Variants in GNAI1 observed in about 807,000 individuals in gnomAD.
GNAI1 encodes G protein subunit alpha i1, also known as guanine nucleotide-binding protein G(i) subunit alpha-1.
In GNAI1, 11 loss-of-function variants were observed where a neutral mutation model predicts 38.9. The observed-to-expected ratio is 0.28, with a 90% CI of 0.18 to 0.47. The LOEUF (loss-of-function observed/expected upper bound fraction) is 0.47, where lower values mean the gene tolerates loss of function less well. GNAI1 is among the 20% of genes least tolerant of loss of function. GNAI1 has a pLI of 0.99. For synonymous variants in GNAI1, 166 were observed against 145.1 expected (o/e 1.14, Z -1.04); for missense variants, 317 against 436.9 (o/e 0.73, Z 2.45).
chr7:80,205,892 T>G (rs565441214), intron 5 of GNAI1, among the ~76,000 whole-genome samples: 1 of 152,134 alleles, frequency 6.6e-6, no homozygotes, highest in South Asian at 2.1e-4. Context: ...AAATAAATCT[T>G]TACTGTGAAT....
intron 1 of GNAI1, among the ~76,000 whole-genome samples, chr7:80,171,685 T>A (rs17153532): frequency 1.4e-3 from 208 of 152,346 alleles, no homozygotes; most frequent in African/African-American, 4.7e-3. Flanking sequence ...TTAGATTATA[T>A]CTTTTCCGGA....
chr7:80,154,345 A>T (rs1409631420), intron 1 of GNAI1, among the ~76,000 whole-genome samples: 19 of 152,148 alleles, frequency 1.2e-4, no homozygotes. Context: ...TGTATTTTTA[A>T]GCTTCTGTGT....
chr7:80,199,834 A>G (rs1040874541), intron 4 of GNAI1, among the ~76,000 whole-genome samples: 7 of 152,182 alleles, frequency 4.6e-5, no homozygotes, highest in Admixed American at 2.0e-4. Context: ...GAAGGAGTGC[A>G]AGATGACTCC....
chr7:80,209,265 A>AGG (rs1788832062), intron 5 of GNAI1, among the ~76,000 whole-genome samples: 1 of 152,174 alleles, frequency 6.6e-6, no homozygotes, highest in Non-Finnish European at 1.5e-5. Context: ...CAGATCCAGT[A>AGG]GGTTATGTTT....
chr7:80,164,373 T>G (rs1787978559), intron 1 of GNAI1, among the ~76,000 whole-genome samples: 1 of 151,220 alleles, frequency 6.6e-6, no homozygotes, highest in Non-Finnish European at 1.5e-5. Context: ...CTTTTTTTCT[T>G]TTTTTTTGAG....
chr7:80,217,505 C>T lies in GNAI1; in HGVS notation c.*12C>T. On this transcript the variant is annotated 3_prime_UTR_variant, in exon 8 of 8. Coordinates refer to ENST00000649796, the MANE Select transcript of GNAI1 (RefSeq NM_002069.6). ...GTGGTCTCTTTTAAGTTTTGCAGTT[C>T]ATGGTAAAATGCATTTTCAAACCAA... 6.5e-7 allele frequency: 1 copy of T among 1,538,180 alleles called. No individual in the cohort carries two copies. Among genetic ancestry groups the T allele is most frequent in the South Asian group, 1.2e-5 (1 of 82,636 alleles).
chr7:80,176,673 C>A (rs1013138768), intron 1 of GNAI1, among the ~76,000 whole-genome samples: 1 of 152,032 alleles, frequency 6.6e-6, no homozygotes, highest in Admixed American at 6.5e-5. Flanking sequence ...TGGTGGCTCA[C>A]GCCTGTAATG....
At chr7:80,184,685 C>G (rs748857498) in intron 1 of GNAI1, among the ~76,000 whole-genome samples, 1 of 152,126 alleles carries the variant, frequency 6.6e-6, no homozygotes, top group Non-Finnish European at 1.5e-5. Flanking sequence ...TGACCAATTA[C>G]TATTTTAGAG....
intron 7 of GNAI1, among the ~76,000 whole-genome samples, chr7:80,214,974 G>A (rs1788936090): frequency 6.6e-6 from 1 of 152,210 alleles, no homozygotes; most frequent in African/African-American, 2.4e-5. Flanking sequence ...TGTTTGGTTG[G>A]TTGGGTTGGT....
chr7:80,135,569 T>C, intron 1 of GNAI1: 1 of 336,182 alleles, frequency 3.0e-6, no homozygotes, highest in Non-Finnish European at 5.3e-6. Flanking sequence ...AGGCGGCGGG[T>C]CGCGTGGAAA....
chr7:80,156,885 C>G (rs1424403913), intron 1 of GNAI1, among the ~76,000 whole-genome samples: 1 of 152,144 alleles, frequency 6.6e-6, no homozygotes, highest in African/African-American at 2.4e-5. Context: ...CCCACACATG[C>G]ATAGACTCCT....
intron 1 of GNAI1, among the ~76,000 whole-genome samples, chr7:80,186,372 C>A (rs1788386914): frequency 6.6e-6 from 1 of 152,244 alleles, no homozygotes; most frequent in South Asian, 2.1e-4. Flanking sequence ...ACTTTTTGAA[C>A]CACAAGCCAT....
chr7:80,152,558 C>CTTTTTT (rs35141470), intron 1 of GNAI1, among the ~76,000 whole-genome samples: 14 of 102,998 alleles, frequency 1.4e-4, no homozygotes, highest in Non-Finnish European at 2.4e-4. Context: ...GGTCTCAATT[C>CTTTTTT]TTTTTTTTTT....
intron 3 of GNAI1, among the ~76,000 whole-genome samples, chr7:80,198,226 T>A (rs1788615982): frequency 6.6e-6 from 1 of 152,032 alleles, no homozygotes; most frequent in South Asian, 2.1e-4. Context: ...ACACACCAGA[T>A]GTTGTAATAC....
chr7:80,194,649 T>G (rs1037603161), intron 3 of GNAI1, among the ~76,000 whole-genome samples: 2 of 152,134 alleles, frequency 1.3e-5, no homozygotes, highest in African/African-American at 2.4e-5. Context: ...GGAGTAAGGA[T>G]GCACATTATT....
At chr7:80,153,614 G>C (rs190776296) in intron 1 of GNAI1, among the ~76,000 whole-genome samples, 379 of 152,216 alleles carry the variant, frequency 2.5e-3, no homozygotes, top group African/African-American at 8.8e-3. Flanking sequence ...AGTTTGTTTT[G>C]AGGACTTGTA....
chr7:80,161,889 TGGTA>T (rs1022916575), intron 1 of GNAI1, among the ~76,000 whole-genome samples: 55 of 152,168 alleles, frequency 3.6e-4, no homozygotes, highest in African/African-American at 1.3e-3. Context: ...TTTTATTTAC[TGGTA>T]GATACTTATA....
chr7:80,179,002 G>GTAA (rs1788244948), intron 1 of GNAI1, among the ~76,000 whole-genome samples: 2 of 152,258 alleles, frequency 1.3e-5, no homozygotes, highest in South Asian at 4.1e-4. Context: ...CAACAAAAGT[G>GTAA]TAATGTATTA....
intron 7 of GNAI1, among the ~76,000 whole-genome samples, chr7:80,214,214 T>C (rs1389726954): frequency 2.6e-5 from 4 of 152,244 alleles, no homozygotes; most frequent in African/African-American, 4.8e-5. Context: ...TTCACACATT[T>C]ACTTACTTTA....
Sources: allele counts gnomAD v4.1 joint callset (sites outside exome capture counted in the v4.1 genomes callset), GRCh38; gene constraint gnomAD v4.1.1; transcripts MANE v1.5; gene names NCBI Gene and HGNC (gene_info 2026-07-23, HGNC 2026-07-21).